PAPSS1: variants seen among roughly 807,000 people sequenced by gnomAD.
PAPSS1 encodes 3'-phosphoadenosine 5'-phosphosulfate synthase 1.
Under a neutral mutation model 72.0 loss-of-function variants are expected in PAPSS1, and 50 were observed. The observed-to-expected ratio is 0.69, with a 90% CI of 0.55 to 0.88. The LOEUF (loss-of-function observed/expected upper bound fraction) is 0.88. Ranked by LOEUF, PAPSS1 falls within the 40% of genes least tolerant of loss-of-function variation. PAPSS1 has a pLI of 0.00. For missense variants in PAPSS1, 657 were observed against 782.2 expected (o/e 0.84, Z 1.91); for synonymous variants, 261 against 263.6 (o/e 0.99, Z 0.09).
At chr4:107,695,964 GA>G (rs59689249) in intron 2 of PAPSS1, among the ~76,000 whole-genome samples, 4,667 of 152,080 alleles carry the variant, frequency 0.031, 265 homozygotes, top group African/African-American at 0.11. Context: ...CAACAAACAT[GA>G]AAAAAAGCTC....
At chr4:107,686,936 C>T in intron 4 of PAPSS1, 103 bp downstream of exon 4, 1 of 908,130 alleles carries the variant, frequency 1.1e-6, no homozygotes, top group Non-Finnish European at 1.6e-6. Context: ...TCAAGGAGCT[C>T]CAAGTCACTC....
intron 1 of PAPSS1, among the ~76,000 whole-genome samples, chr4:107,709,609 A>G (rs539805576): frequency 6.6e-6 from 1 of 152,280 alleles, no homozygotes; most frequent in Non-Finnish European, 1.5e-5. Context: ...TGACATCGCT[A>G]TTGTAGAACC....
chr4:107,701,289 G>T lies in PAPSS1; in HGVS notation c.61-4C>A, dbSNP rs1342563793. On this transcript the variant is annotated splice_region_variant and splice_polypyrimidine_tract_variant and intron_variant, in intron 1 of 11. Transcript: ENST00000265174. ...CATTGGTTGCTCTCTGCATTCCCTA[G>T]AAAAAAAAGAAAAAAAAAATTCTAG... 2 of 1,524,188 alleles carry T rather than the reference G, an allele frequency of 1.3e-6. No individual in the cohort carries two copies. The highest frequency in any genetic ancestry group is 1.8e-6 in the Non-Finnish European group (2 of 1,125,516). 94.4% of individuals were successfully genotyped at this position (1,524,188 alleles called of 1,614,324 possible).
chr4:107,707,009 T>G (rs1164739829), intron 1 of PAPSS1, among the ~76,000 whole-genome samples: 1 of 152,128 alleles, frequency 6.6e-6, no homozygotes, highest in African/African-American at 2.4e-5. Context: ...AGCATATGGG[T>G]GCTGGCCTGG....
rs187277458 is a variant in PAPSS1 at position 107,658,642 on chromosome 4, C to T, written c.783+1317G>A. Among the ~76,000 whole-genome samples, 20 of 152,162 alleles carry T rather than the reference C, an allele frequency of 1.3e-4. No individual in the cohort carries two copies. In the East Asian group the frequency reaches 3.9e-3, roughly 29 times the overall value. On this transcript the variant is annotated intron_variant, in intron 6 of 11. Transcript: ENST00000265174. ...GTAAAATGCAGCCTACTATTTATTC[C>T]CAGAGTATGTTTGCCAATGTGTTCC...
chr4:107,672,184 G>A (rs1019948393), intron 5 of PAPSS1, among the ~76,000 whole-genome samples: 6 of 152,272 alleles, frequency 3.9e-5, no homozygotes, highest in East Asian at 1.9e-4. Flanking sequence ...CTGAGGCACC[G>A]GGCGCATCTC....
At chr4:107,618,454 G>A (rs1335124478) in intron 11 of PAPSS1, among the ~76,000 whole-genome samples, 1 of 151,550 alleles carries the variant, frequency 6.6e-6, no homozygotes, top group Admixed American at 6.6e-5. Flanking sequence ...GAATGAGAAA[G>A]GGGAGGAGGA....
At chr4:107,620,976 G>A (rs915619268) in intron 11 of PAPSS1, among the ~76,000 whole-genome samples, 7 of 152,192 alleles carry the variant, frequency 4.6e-5, no homozygotes, top group Non-Finnish European at 8.8e-5. Context: ...GAAGGTCAAT[G>A]ACTAGACACA....
intron 9 of PAPSS1, among the ~76,000 whole-genome samples, chr4:107,645,783 C>T (rs759941886): frequency 2.0e-5 from 3 of 152,094 alleles, no homozygotes; most frequent in Non-Finnish European, 2.9e-5. Context: ...TGTATTTTGC[C>T]GCCCTCACAA....
chr4:107,619,286 G>A (rs1485265716), intron 11 of PAPSS1, among the ~76,000 whole-genome samples: 1 of 152,126 alleles, frequency 6.6e-6, no homozygotes, highest in Non-Finnish European at 1.5e-5. Flanking sequence ...GGTACCTCTT[G>A]TCCTGAAGCT....
At chr4:107,624,305 G>T (rs538365686) in intron 11 of PAPSS1, among the ~76,000 whole-genome samples, 2 of 152,316 alleles carry the variant, frequency 1.3e-5, no homozygotes, top group African/African-American at 4.8e-5. Flanking sequence ...TCAAGCAAGT[G>T]CTAACTGCGT....
chr4:107,633,885 G>A (rs561167857), intron 10 of PAPSS1, among the ~76,000 whole-genome samples: 1 of 142,240 alleles, frequency 7.0e-6, no homozygotes, highest in East Asian at 2.1e-4. Context: ...CACCACTGCA[G>A]TCCGGCCTGG....
chr4:107,670,904 A>G (rs992061593), intron 5 of PAPSS1, among the ~76,000 whole-genome samples: 32 of 152,234 alleles, frequency 2.1e-4, no homozygotes, highest in African/African-American at 7.7e-4. Flanking sequence ...TTAGAGCGAA[A>G]AAAAGGAAAT....
intron 10 of PAPSS1, among the ~76,000 whole-genome samples, chr4:107,641,315 C>T (rs1222322861): frequency 6.6e-6 from 1 of 152,210 alleles, no homozygotes; most frequent in African/African-American, 2.4e-5. Flanking sequence ...CCAGAATCCC[C>T]TACTTCCAAT....
In PAPSS1 at chr4:107,720,156, G is replaced by T; in HGVS notation, c.24C>A (p.Cys8Ter). 6.2e-7 allele frequency: 1 copy of T among 1,606,054 alleles called. No homozygotes were observed. Reference protein sequence around the residue: MEIPGSLCKKVKLSNNAQ... With the variant: MEIPGSL The stretch of plus-strand genomic sequence containing the variant: ...CGTTATTGCTCAGTTTGACTTTCTT[G>T]CACAGGCTCCCGGGGATCTCCATGA... The change falls in exon 1 of 12, where the codon TGC becomes TGA. Residue 8 changes from cysteine to a stop codon, truncating the protein, a stop_gained. Transcript: ENST00000265174. LOFTEE classifies it high-confidence loss of function.
At chr4:107,619,143 T>C (rs1429230863) in intron 11 of PAPSS1, among the ~76,000 whole-genome samples, 1 of 152,236 alleles carries the variant, frequency 6.6e-6, no homozygotes, top group African/African-American at 2.4e-5. Context: ...GCTTGCTAGA[T>C]GACTCTGTCT....
chr4:107,636,605 C>T (rs187548962), intron 10 of PAPSS1, among the ~76,000 whole-genome samples: 65 of 152,076 alleles, frequency 4.3e-4, no homozygotes, highest in Admixed American at 7.2e-4. Context: ...CTTAACACTC[C>T]GGAAACAGAA....
chr4:107,675,021 C>T (rs1727598549), intron 5 of PAPSS1, among the ~76,000 whole-genome samples: 1 of 151,948 alleles, frequency 6.6e-6, no homozygotes, highest in Non-Finnish European at 1.5e-5. Context: ...ATCTCTGGGA[C>T]ACATTCAAAG....
chr4:107,709,403 T>C (rs891526383), intron 1 of PAPSS1, among the ~76,000 whole-genome samples: 5 of 152,202 alleles, frequency 3.3e-5, no homozygotes, highest in Non-Finnish European at 7.3e-5. Flanking sequence ...TCAAGCTAAC[T>C]TTGGGAGAAA....
Sources: gnomAD v4.1 joint callset for allele counts (sites outside exome capture counted in the v4.1 genomes callset) on GRCh38, gnomAD v4.1.1 for gene constraint, MANE v1.5 for transcripts, NCBI Gene and HGNC (gene_info 2026-07-23, HGNC 2026-07-21) for gene names.